The following TMEM132B variants were observed in gnomAD, a reference collection of about 807,000 sequenced individuals.
TMEM132B encodes the protein transmembrane protein 132B.
TMEM132B carries 18 observed loss-of-function variants against 90.8 expected under a neutral mutation model. The ratio of observed to expected loss-of-function variants is 0.20; its 90% CI spans 0.14 to 0.29. The LOEUF (loss-of-function observed/expected upper bound fraction) is 0.29, where lower values mean the gene tolerates loss of function less well. Ranked by LOEUF, TMEM132B falls within the 10% of genes least tolerant of loss-of-function variation. The pLI is 1.00. For missense variants in TMEM132B, 1,096 were observed against 1,326.8 expected (o/e 0.83, Z 2.70); for synonymous variants, 504 against 523.3 (o/e 0.96, Z 0.50).
intron 5 of TMEM132B, among the ~76,000 whole-genome samples, chr12:125,611,338 A>C (rs1885819599): frequency 2.0e-5 from 3 of 150,788 alleles, no homozygotes; most frequent in African/African-American, 7.3e-5. Context: ...AATTTTGTTG[A>C]TATTTTAAAA....
At chr12:125,220,892 T>C (rs1442595624) in intron 1 of TMEM132B, among the ~76,000 whole-genome samples, 2 of 152,202 alleles carry the variant, frequency 1.3e-5, no homozygotes, top group African/African-American at 2.4e-5. Context: ...CCTGCCTTAC[T>C]CACTCTTTGT....
chr12:125,253,253 A>C (rs1874355555), intron 1 of TMEM132B, among the ~76,000 whole-genome samples: 1 of 152,134 alleles, frequency 6.6e-6, no homozygotes, highest in Admixed American at 6.5e-5. Context: ...CCGTTGGTTC[A>C]TATTTATGGA....
intron 7 of TMEM132B, among the ~76,000 whole-genome samples, 196 bp downstream of exon 7, chr12:125,651,149 C>T (rs1566102239): frequency 6.6e-6 from 1 of 152,180 alleles, no homozygotes; most frequent in Non-Finnish European, 1.5e-5. Context: ...ATTTTAATAA[C>T]CTAAACTCAG....
chr12:125,470,398 C>G (rs144623421), intron 3 of TMEM132B, among the ~76,000 whole-genome samples: 1 of 152,188 alleles, frequency 6.6e-6, no homozygotes, highest in Non-Finnish European at 1.5e-5. Context: ...CTCTGCATTG[C>G]GGTTGGAGTC....
intron 3 of TMEM132B, among the ~76,000 whole-genome samples, chr12:125,477,475 A>G (rs1156603122): frequency 6.6e-6 from 1 of 152,086 alleles, no homozygotes; most frequent in African/African-American, 2.4e-5. Context: ...TTTCTTCAAC[A>G]GATTTTGCTT....
rs560211878 is a variant in TMEM132B, at chr12:125,312,503, C to T, written c.68-36949C>T. On this transcript the variant is annotated intron_variant, in intron 1 of 8. Coordinates refer to ENST00000682704, the MANE Select transcript of TMEM132B (RefSeq NM_001366854.1). Reference sequence around the variant, plus strand: ...ACATTAAGAATGAAAAGATCTGTTGCTGGGGTGGCCCTCTGAGGACCCTTG... The same window carrying T: ...ACATTAAGAATGAAAAGATCTGTTGTTGGGGTGGCCCTCTGAGGACCCTTG... Among the ~76,000 whole-genome samples, 5 of 152,336 alleles carry T rather than the reference C, an allele frequency of 3.3e-5. No individual in the cohort carries two copies. The East Asian group carries it at 9.6e-4, about 29-fold the overall frequency.
At chr12:125,409,143 C>T (rs939645630) in intron 2 of TMEM132B, among the ~76,000 whole-genome samples, 8 of 152,122 alleles carry the variant, frequency 5.3e-5, no homozygotes, top group South Asian at 2.1e-4. Context: ...GCTGCCTTTA[C>T]TGCAGTTTTG....
At chr12:125,313,449 T>TCCTC (rs933826383) in intron 1 of TMEM132B, among the ~76,000 whole-genome samples, 1 of 150,794 alleles carries the variant, frequency 6.6e-6, no homozygotes, top group Non-Finnish European at 1.5e-5. Flanking sequence ...TTCCCTTCCT[T>TCCTC]CCTCCCTTCT....
intron 4 of TMEM132B, among the ~76,000 whole-genome samples, chr12:125,581,667 A>C (rs1885057389): frequency 1.3e-5 from 2 of 152,176 alleles, no homozygotes; most frequent in Admixed American, 1.3e-4. Context: ...GATGCTCATT[A>C]GACAAAATCA....
intron 4 of TMEM132B, among the ~76,000 whole-genome samples, chr12:125,542,244 T>C (rs765006280): frequency 9.2e-5 from 14 of 152,272 alleles, no homozygotes; most frequent in Non-Finnish European, 1.3e-4. Flanking sequence ...ACAATGTCTT[T>C]CTTCAAGAGT....
intron 3 of TMEM132B, among the ~76,000 whole-genome samples, chr12:125,417,536 C>T (rs1374349472): frequency 6.6e-6 from 1 of 152,026 alleles, no homozygotes; most frequent in Non-Finnish European, 1.5e-5. Context: ...CCTGGGGGCC[C>T]TGTGTGTTTG....
At chr12:125,479,032 A>C (rs1198693222) in intron 3 of TMEM132B, among the ~76,000 whole-genome samples, 1 of 152,240 alleles carries the variant, frequency 6.6e-6, no homozygotes, top group Non-Finnish European at 1.5e-5. Flanking sequence ...GCGAAGGAGA[A>C]ATAAAATCCT....
chr12:125,272,997 C>G (rs1874879800), intron 1 of TMEM132B, among the ~76,000 whole-genome samples: 1 of 152,196 alleles, frequency 6.6e-6, no homozygotes. Flanking sequence ...ACAAACATCT[C>G]TATTTATATT....
intron 1 of TMEM132B, among the ~76,000 whole-genome samples, chr12:125,210,473 G>A (rs758349098): frequency 1.3e-5 from 2 of 152,068 alleles, no homozygotes; most frequent in Admixed American, 6.5e-5. Flanking sequence ...TGCTTTGGAG[G>A]GTTTCAGCAG....
intron 1 of TMEM132B, among the ~76,000 whole-genome samples, chr12:125,276,215 C>CA (rs1466852922): frequency 6.6e-6 from 1 of 152,312 alleles, no homozygotes; most frequent in East Asian, 1.9e-4. Flanking sequence ...GAAAAACAGA[C>CA]AAACCCTATT....
At chr12:125,412,526 C>T (rs1419657096) in intron 2 of TMEM132B, among the ~76,000 whole-genome samples, 1 of 152,192 alleles carries the variant, frequency 6.6e-6, no homozygotes, top group African/African-American at 2.4e-5. Context: ...AATCCTGGCT[C>T]TGCCAGAACC....
intron 5 of TMEM132B, among the ~76,000 whole-genome samples, chr12:125,606,752 G>T (rs1885706003): frequency 6.6e-6 from 1 of 152,144 alleles, no homozygotes; most frequent in South Asian, 2.1e-4. Flanking sequence ...AACAGCTCCA[G>T]TCCCGGTGAC....
In TMEM132B at chr12:125,221,621, A is replaced by G. The variant is rs562543248; in HGVS notation, c.67+34755A>G. Among the ~76,000 whole-genome samples, 3 of 152,232 alleles carry G rather than the reference A, an allele frequency of 2.0e-5. 1 individual carries two copies. The South Asian group carries it at 6.2e-4, about 32-fold the overall frequency. ...CATTTCAATATGTTTAGTACAGTGGAAGCCTGTAAAAGAAAGAATGCTTGG... is the reference window on the plus strand; with the variant it reads ...CATTTCAATATGTTTAGTACAGTGGGAGCCTGTAAAAGAAAGAATGCTTGG... On this transcript the variant is annotated intron_variant, in intron 1 of 8. Transcript: ENST00000682704.
intron 1 of TMEM132B, among the ~76,000 whole-genome samples, chr12:125,275,636 G>A (rs1025203903): frequency 4.6e-5 from 7 of 152,198 alleles, no homozygotes; most frequent in Admixed American, 4.6e-4. Flanking sequence ...TGAACAGATG[G>A]TAAGTTGACT....
Sources: allele counts gnomAD v4.1 joint callset (sites outside exome capture counted in the v4.1 genomes callset), GRCh38; gene constraint gnomAD v4.1.1; transcripts MANE v1.5; gene names NCBI Gene and HGNC (gene_info 2026-07-23, HGNC 2026-07-21).